The following TTC5 variants were observed in gnomAD, a reference collection of about 807,000 sequenced individuals.
TTC5 encodes tetratricopeptide repeat protein 5.
Under a neutral mutation model 57.4 loss-of-function variants are expected in TTC5, and 46 were observed. That is an observed-to-expected ratio of 0.80 (90% CI 0.63 to 1.03). The LOEUF is 1.03. Among genes scored for constraint, TTC5 ranks in the 50% least tolerant of loss-of-function variants. The pLI, the probability that TTC5 is intolerant of heterozygous loss-of-function variation, is 0.00. For synonymous variants in TTC5, 190 were observed against 203.5 expected (o/e 0.93, Z 0.57); for missense variants, 504 against 528.1 (o/e 0.95, Z 0.45).
rs370417927 is a variant in TTC5 at position 20,300,143 on chromosome 14, G to GTGTGTATATATATATATATATATATA, written c.396+463_396+464insTATATATATATATATATATATACACA. 1.8e-3 allele frequency among the ~76,000 whole-genome samples: 49 copies of GTGTGTATATATATATATATATATATA among 27,140 alleles called. 7 individuals carry two copies. The highest frequency in any genetic ancestry group is 3.0e-3 in the Non-Finnish European group (36 of 11,854). The allele number at this position is 27,140 out of a possible 152,430, so 17.8% of individuals were successfully genotyped here. On this transcript the variant is annotated intron_variant, in intron 3 of 9. Coordinates refer to ENST00000258821, the MANE Select transcript of TTC5 (RefSeq NM_138376.3). ...GCATGAGTCACCACGTCTGGTCCAT[G>GTGTGTATATATATATATATATATATA]TATATATATATATTTTTTTTTTTTT...
Position 20,290,490 on chromosome 14 carries a change from T to C in TTC5, c.1204-744A>G, listed in dbSNP as rs1225486856. ...AAGAAATATAAATTAATATTCATGC[T>C]ATATTTTCCATGTAAAATTAGAAAA... is the stretch of plus-strand genomic sequence containing the variant. On this transcript the variant is annotated intron_variant, in intron 9 of 9. Coordinates refer to ENST00000258821, the MANE Select transcript of TTC5 (RefSeq NM_138376.3). Among the ~76,000 whole-genome samples the C allele has an allele frequency of 2.0e-5, 3 of 152,246 alleles. No individual in the cohort carries two copies. The East Asian group carries it at 5.8e-4, about 29-fold the overall frequency.
intron 8 of TTC5, chr14:20,292,755 C>T (rs1881985051): frequency 6.6e-6 from 1 of 152,170 alleles, no homozygotes; most frequent in African/African-American, 2.4e-5. Context: ...ACAGATTGGG[C>T]TGTGGGAGCC....
At chr14:20,296,495 G>C in intron 5 of TTC5, 49 bp from the exon 6 acceptor site, 2 of 1,435,472 alleles carry the variant, frequency 1.4e-6, no homozygotes, top group South Asian at 2.3e-5. Flanking sequence ...CAATGTTAAG[G>C]ACTGACATGC....
At chr14:20,304,938 C>T (rs1407238026) in intron 1 of TTC5, among the ~76,000 whole-genome samples, 1 of 152,104 alleles carries the variant, frequency 6.6e-6, no homozygotes, top group Non-Finnish European at 1.5e-5. Context: ...AAAATTACCC[C>T]AAAGAACCTC....
Position 20,292,092 on chromosome 14 carries a change from T to A in TTC5, c.1094A>T (p.Tyr365Phe). The A allele has an allele frequency of 6.3e-7, 1 of 1,587,112 alleles. No individual in the cohort carries two copies. The highest frequency in any genetic ancestry group is 8.6e-7 in the Non-Finnish European group (1 of 1,166,426). The change falls in exon 9 of 10, where the codon TAT becomes TTT. Residue 365 changes from tyrosine (Y) to phenylalanine (F), a missense_variant. Physicochemically the swap from Tyr to Phe is conservative, Grantham distance 22 (BLOSUM62 3). Transcript: ENST00000258821. ...CACTATATTGTACACCATCACTGCA[T>A]AGCAAGGTCCATCTGAATCTACCAG... ...FGLVDSDGPC[Y>F]AVMVYNIVQS... is the part of the protein sequence containing the mutation.
At chr14:20,305,661 T>C (rs1882275546) in intron 1 of TTC5, 3 of 587,632 alleles carry the variant, frequency 5.1e-6, no homozygotes, top group Non-Finnish European at 9.1e-6. Flanking sequence ...GCAACAAATC[T>C]TCTTCCATAC....
intron 5 of TTC5, 49 bp downstream of exon 5, chr14:20,298,748 T>TG: frequency 7.6e-7 from 1 of 1,321,338 alleles, no homozygotes; most frequent in Non-Finnish European, 1.1e-6. Context: ...ACAATGCTCT[T>TG]GCTTCTGTTG....
chr14:20,292,224 CTG>C, intron 8 of TTC5, 97 bp from the exon 9 acceptor site: 3 of 855,870 alleles, frequency 3.5e-6, no homozygotes, highest in Non-Finnish European at 4.9e-6. Context: ...TAGCAAAATA[CTG>C]GACTTAAAGT....
chr14:20,300,060 G>A (rs999613153), intron 3 of TTC5, among the ~76,000 whole-genome samples: 15 of 148,044 alleles, frequency 1.0e-4, no homozygotes, highest in South Asian at 6.5e-4. Flanking sequence ...GGCTGGTCTC[G>A]AACTCCTGAC....
At chr14:20,299,474 A>T in intron 3 of TTC5, 26 bp from the exon 4 acceptor site, 1 of 1,610,306 alleles carries the variant, frequency 6.2e-7, no homozygotes, top group Non-Finnish European at 8.5e-7. Context: ...GCACATACTC[A>T]ATCTTCCTGA....
Position 20,295,309 on chromosome 14 carries a change from C to T in TTC5, c.1058+3G>A, listed in dbSNP as rs1882036342. 2.5e-6 allele frequency: 4 copies of T among 1,614,064 alleles called. No individual in the cohort carries two copies. The highest frequency in any genetic ancestry group is 3.4e-6 in the Non-Finnish European group (4 of 1,179,920). ...AAATGGGGGAAATCCAAGAGAAACT[C>T]ACAAGGGGACTTTCTCCTCTGTGGT... On this transcript the variant is annotated splice_donor_region_variant and intron_variant, in intron 8 of 9. Transcript: ENST00000258821.
rs773432390 is a variant in TTC5, at chr14:20,298,895, G to A, written c.548-7C>T. On this transcript the variant is annotated splice_polypyrimidine_tract_variant and splice_region_variant and intron_variant, in intron 4 of 9. Coordinates refer to ENST00000258821, the MANE Select transcript of TTC5 (RefSeq NM_138376.3). Reference sequence around the variant, plus strand: ...TATGAATTCCCAAGAATATCTGAAAGAGAAACACAGTGACAAATCATCTCA... The same window carrying A: ...TATGAATTCCCAAGAATATCTGAAAAAGAAACACAGTGACAAATCATCTCA... The A allele has an allele frequency of 8.8e-6, 14 of 1,587,294 alleles. No homozygotes were observed. The highest frequency in any genetic ancestry group is 1.2e-5 in the Non-Finnish European group (14 of 1,155,730).
chr14:20,294,982 G>C (rs539041100), intron 8 of TTC5: 55 of 267,154 alleles, frequency 2.1e-4, no homozygotes, highest in Non-Finnish European at 3.6e-4. Flanking sequence ...CAACTTCTAT[G>C]ATCATGAAAA....
At chr14:20,302,628 T>C (rs1263418205) in intron 1 of TTC5, among the ~76,000 whole-genome samples, 5 of 152,208 alleles carry the variant, frequency 3.3e-5, no homozygotes, top group Admixed American at 1.3e-4. Flanking sequence ...CAAATAAATA[T>C]TCTCTTTCCT....
intron 3 of TTC5, 81 bp downstream of exon 3, chr14:20,300,526 T>C: frequency 8.0e-7 from 1 of 1,255,736 alleles, no homozygotes; most frequent in Non-Finnish European, 1.1e-6. Context: ...ACTCTGGTAT[T>C]CATGTCCTAG....
intron 3 of TTC5, among the ~76,000 whole-genome samples, chr14:20,300,143 G>GTATATATA (rs1555311668): frequency 3.7e-5 from 1 of 27,148 alleles, no homozygotes; most frequent in African/African-American, 1.1e-4. Flanking sequence ...TCTGGTCCAT[G>GTATATATA]TATATATATA....
In TTC5 at chr14:20,289,088, A is replaced by C. The variant is rs1053762702; in HGVS notation, c.*539T>G. On this transcript the variant is annotated 3_prime_UTR_variant, in exon 10 of 10. Transcript: ENST00000258821. ...AAATTGAAGTGATCCTAAAACAAAG[A>C]ATACAGGCCTAGGGAGAATAAAGCA... 4 of 151,884 alleles carry C rather than the reference A, an allele frequency of 2.6e-5. No homozygotes were observed. The highest frequency in any genetic ancestry group is 6.6e-5 in the Admixed American group (1 of 15,244). 9.4% of individuals were successfully genotyped at this position (151,884 alleles called of 1,614,324 possible). A position where few individuals can be genotyped will look rare whatever the true frequency, so the allele number is the denominator to read the frequency against.
intron 3 of TTC5, among the ~76,000 whole-genome samples, chr14:20,299,940 G>A (rs1882147786): frequency 6.6e-6 from 1 of 151,732 alleles, no homozygotes; most frequent in South Asian, 2.1e-4. Flanking sequence ...CTGGGTTCAA[G>A]TGATTCTTGT....
chr14:20,293,608 T>C (rs748996428), intron 8 of TTC5: 6 of 152,180 alleles, frequency 3.9e-5, no homozygotes, highest in African/African-American at 1.2e-4. Flanking sequence ...CTAAGAAACA[T>C]TTCTCTGGCA....
Sources: gnomAD v4.1 joint callset for allele counts (sites outside exome capture counted in the v4.1 genomes callset) on GRCh38, gnomAD v4.1.1 for gene constraint, MANE v1.5 for transcripts, NCBI Gene and HGNC (gene_info 2026-07-23, HGNC 2026-07-21) for gene names.